The following GDPD5 variants were observed in gnomAD, a reference collection of about 807,000 sequenced individuals.
GDPD5 encodes glycerophosphodiester phosphodiesterase domain containing 5, also known as glycerophosphodiester phosphodiesterase 2.
In GDPD5, 48 loss-of-function variants were observed where a neutral mutation model predicts 75.1. That is an observed-to-expected ratio of 0.64 (90% CI 0.51 to 0.81). The LOEUF is 0.81. Among genes scored for constraint, GDPD5 ranks in the 40% least tolerant of loss-of-function variants. The pLI is 0.00. For synonymous variants in GDPD5, 336 were observed against 339.0 expected (o/e 0.99, Z 0.10); for missense variants, 706 against 822.6 (o/e 0.86, Z 1.73).
At chr11:75,482,586 C>T (rs1008701735) in intron 2 of GDPD5, among the ~76,000 whole-genome samples, 4 of 152,216 alleles carry the variant, frequency 2.6e-5, no homozygotes, top group African/African-American at 9.7e-5. Flanking sequence ...GGGACTCCTC[C>T]AGATTCCTTG....
At chr11:75,439,796 A>C in intron 15 of GDPD5, 83 bp downstream of exon 15, 3 of 1,134,932 alleles carry the variant, frequency 2.6e-6, no homozygotes, top group African/African-American at 3.1e-5. Flanking sequence ...CCCAGGGCTC[A>C]GGAGAGGGTT....
chr11:75,510,666 T>A (rs1950496646), intron 1 of GDPD5, among the ~76,000 whole-genome samples: 2 of 128,618 alleles, frequency 1.6e-5, no homozygotes, highest in South Asian at 2.7e-4. Context: ...CACTCCCCCA[T>A]CTCTTCTTCG....
chr11:75,455,804 C>T (rs760953559), intron 6 of GDPD5, among the ~76,000 whole-genome samples: 3 of 152,192 alleles, frequency 2.0e-5, no homozygotes, highest in Non-Finnish European at 4.4e-5. Context: ...GCATCAGAAA[C>T]ACACTTCAGC....
Position 75,462,869 on chromosome 11 carries a change from C to A in GDPD5, c.138G>T (p.Leu46=). Residue 46 remains leucine, a synonymous_variant, in exon 4 of 17, where the codon CTG becomes CTT. Coordinates refer to ENST00000336898, the MANE Select transcript of GDPD5 (RefSeq NM_030792.8). ...TGAGGCCAAAGGTGAAGGTGAGGAG[C>A]AGGAACCAGAGGCGCTCCCACTGGA... ...DTTPWERLWF[L]LLTFTFGLTL... is the part of the protein sequence containing the mutation. 6.2e-7 allele frequency: 1 copy of A among 1,614,018 alleles called. No homozygotes were observed. Among genetic ancestry groups the A allele is most frequent in the Non-Finnish European group, 8.5e-7 (1 of 1,179,964 alleles).
At chr11:75,495,968 T>C (rs1310870635) in intron 1 of GDPD5, among the ~76,000 whole-genome samples, 1 of 152,242 alleles carries the variant, frequency 6.6e-6, no homozygotes, top group Non-Finnish European at 1.5e-5. Flanking sequence ...TTATGCCTTG[T>C]GCATGGGGCT....
chr11:75,454,810 A>G (rs1949249400), intron 6 of GDPD5, among the ~76,000 whole-genome samples: 1 of 152,236 alleles, frequency 6.6e-6, no homozygotes, highest in South Asian at 2.1e-4. Context: ...TTCTTTGTAT[A>G]CTTTTTTGTG....
chr11:75,439,867 G>A lies in GDPD5; in HGVS notation c.1556+12C>T. The A allele has an allele frequency of 8.7e-6, 14 of 1,610,494 alleles. No individual in the cohort carries two copies. Among genetic ancestry groups the A allele is most frequent in the Non-Finnish European group, 1.2e-5 (14 of 1,176,870 alleles). The stretch of plus-strand genomic sequence containing the variant: ...GTAGGGACAGCCACGGAAGTGGTCA[G>A]ATCCTACTCACTTCTGGAGCACGAA... On this transcript the variant is annotated intron_variant, in intron 15 of 16. Transcript: ENST00000336898.
chr11:75,510,975 T>C (rs879757619), intron 1 of GDPD5, among the ~76,000 whole-genome samples: 4 of 152,224 alleles, frequency 2.6e-5, no homozygotes, highest in Non-Finnish European at 4.4e-5. Flanking sequence ...AAGGCATGTA[T>C]TTAAGGCTTG....
rs749311291 is a variant in GDPD5 at position 75,439,931 on chromosome 11, T to A, written c.1504A>T (p.Thr502Ser). 1 of 1,613,976 alleles carries A rather than the reference T, an allele frequency of 6.2e-7. No individual in the cohort carries two copies. ...PPDEYCLMWV[T>S]ADLVSFTLIV... ...AGGGTGAAGGAGACCAGGTCGGCAG[T>A]GACCCACATGAGACAGTACTCGTCC... Residue 502 changes from threonine to serine, a missense_variant, in exon 15 of 17, where the codon ACT (threonine) becomes TCT (serine). Transcript: ENST00000336898.
chr11:75,482,475 C>T (rs1949939428), intron 2 of GDPD5, among the ~76,000 whole-genome samples: 1 of 152,156 alleles, frequency 6.6e-6, no homozygotes, highest in Admixed American at 6.5e-5. Context: ...GCCTTGCAGA[C>T]CCAGTTCAGC....
At position 75,437,027 on chromosome 11, in the gene GDPD5, C is replaced by T. The variant is rs144938037; in HGVS notation, c.1578G>A (p.Arg526=). The change falls in exon 16 of 17, where the codon CGG becomes CGA. Residue 526 remains arginine, a synonymous_variant. Coordinates refer to ENST00000336898, the MANE Select transcript of GDPD5 (RefSeq NM_030792.8). ...GCATGATCTGCTCAGGGTTGTAGCT[C>T]CGTATGCCACCCAGGCGCCACCTGC... The part of the protein sequence containing the change: ...VLQKWRLGGI[R]SYNPEQIMLS... 1.8e-5 allele frequency: 29 copies of T among 1,613,188 alleles called. No homozygotes were observed. The highest frequency in any genetic ancestry group is 3.3e-5 in the Admixed American group (2 of 59,990).
intron 3 of GDPD5, among the ~76,000 whole-genome samples, chr11:75,473,946 G>A (rs1175170236): frequency 2.0e-5 from 3 of 152,314 alleles, no homozygotes; most frequent in South Asian, 4.1e-4. Flanking sequence ...CCTGGGGGCC[G>A]GCCCTTCAAG....
At chr11:75,464,800 G>A (rs894606782) in intron 3 of GDPD5, among the ~76,000 whole-genome samples, 1 of 152,092 alleles carries the variant, frequency 6.6e-6, no homozygotes, top group African/African-American at 2.4e-5. Flanking sequence ...CCTTGGTCAG[G>A]AATAGGGAAA....
chr11:75,499,839 A>C (rs536782574), intron 1 of GDPD5, among the ~76,000 whole-genome samples: 84 of 152,264 alleles, frequency 5.5e-4, no homozygotes, highest in African/African-American at 1.9e-3. Context: ...TTTGGTGAGC[A>C]CTGAAGATGC....
In GDPD5 at chr11:75,449,533, G is replaced by T; in HGVS notation, c.552C>A (p.Ala184=). Residue 184 remains alanine, a synonymous_variant, in exon 8 of 17, where the codon GCC becomes GCA. Coordinates refer to ENST00000336898, the MANE Select transcript of GDPD5 (RefSeq NM_030792.8). ...TCTACTCACAGGTCCGCTCTGCGCG[G>T]GCGAACTGTCCTGCCACGATCCAGG... ...MLSWIVAGQF[A]RAERTSSQVT... 1 of 1,579,594 alleles carries T rather than the reference G, an allele frequency of 6.3e-7. No homozygotes were observed. Among genetic ancestry groups the T allele is most frequent in the East Asian group, 2.3e-5 (1 of 43,466 alleles).
At chr11:75,481,635 G>A (rs183526098) in intron 2 of GDPD5, among the ~76,000 whole-genome samples, 112 of 152,152 alleles carry the variant, frequency 7.4e-4, no homozygotes, top group African/African-American at 2.4e-3. Flanking sequence ...GGAGTGCTGC[G>A]TGCCCACATA....
chr11:75,512,281 G>GGGACACACACAC lies in GDPD5; in HGVS notation c.-145+12928_-145+12929insGTGTGTGTGTCC, dbSNP rs566304066. On this transcript the variant is annotated intron_variant, in intron 1 of 16. Coordinates refer to ENST00000336898, the MANE Select transcript of GDPD5 (RefSeq NM_030792.8). Reference sequence around the variant, plus strand: ...CTGGTAGAAGCATGAAATTGGGAAGGACACACACACACACACACACACACA... The same window carrying GGGACACACACAC: ...CTGGTAGAAGCATGAAATTGGGAAGGGGACACACACACACACACACACACACACACACACACA... 2.4e-5 allele frequency among the ~76,000 whole-genome samples: 3 copies of GGGACACACACAC among 123,176 alleles called. No homozygotes were observed. In the East Asian group the frequency reaches 7.7e-4, roughly 32 times the overall value. 80.8% of individuals were successfully genotyped at this position (123,176 alleles called of 152,430 possible). A position where few individuals can be genotyped will look rare whatever the true frequency, so the allele number is the denominator to read the frequency against.
At chr11:75,455,864 T>G (rs1292738203) in intron 6 of GDPD5, among the ~76,000 whole-genome samples, 2 of 152,142 alleles carry the variant, frequency 1.3e-5, no homozygotes, top group East Asian at 3.9e-4. Flanking sequence ...CCGGAATGGG[T>G]GAAGCCTGTC....
chr11:75,520,336 A>C (rs370934155), intron 1 of GDPD5, among the ~76,000 whole-genome samples: 1 of 152,174 alleles, frequency 6.6e-6, no homozygotes, highest in East Asian at 1.9e-4. Flanking sequence ...ATCTCATTTA[A>C]TAACAGTTAT....
Sources: allele counts gnomAD v4.1 joint callset (sites outside exome capture counted in the v4.1 genomes callset), GRCh38; gene constraint gnomAD v4.1.1; transcripts MANE v1.5; gene names NCBI Gene and HGNC (gene_info 2026-07-23, HGNC 2026-07-21).